NAALADL2: variants seen among roughly 807,000 people sequenced by gnomAD.
The protein encoded by NAALADL2 is inactive N-acetylated-alpha-linked acidic dipeptidase-like protein 2.
Under a neutral mutation model 87.2 loss-of-function variants are expected in NAALADL2, and 76 were observed. The ratio of observed to expected loss-of-function variants is 0.87; its 90% confidence interval spans 0.72 to 1.05. The LOEUF (loss-of-function observed/expected upper bound fraction) is 1.05. Among genes scored for constraint, NAALADL2 ranks in the 50% least tolerant of loss-of-function variants. The pLI is 0.00. For synonymous variants in NAALADL2, 354 were observed against 331.0 expected, an observed-to-expected ratio of 1.07 and a Z score of -0.75; for missense variants, 1,089 against 945.8, an observed-to-expected ratio of 1.15 and a Z score of -1.99.
chr3:175,672,855 A>G (rs1182581897), intron 11 of NAALADL2, among the ~76,000 whole-genome samples: 2 of 152,286 alleles, frequency 1.3e-5, no homozygotes, highest in East Asian at 3.9e-4. Context: ...AATGTATAAC[A>G]ATTTTGTGTA....
At chr3:175,566,344 C>T (rs1447564486) in intron 9 of NAALADL2, among the ~76,000 whole-genome samples, 2 of 152,094 alleles carry the variant, frequency 1.3e-5, no homozygotes, top group African/African-American at 4.8e-5. Context: ...TTGTCTCTCC[C>T]CAGAGGCAAA....
At chr3:174,869,074 C>G (rs1326911015) in intron 1 of NAALADL2, among the ~76,000 whole-genome samples, 1 of 151,888 alleles carries the variant, frequency 6.6e-6, no homozygotes, top group Non-Finnish European at 1.5e-5. Flanking sequence ...CTGGGAATTT[C>G]TATTTAAAAT....
chr3:174,659,228 T>C (rs532979693), intron 2 of NAALADL2, among the ~76,000 whole-genome samples: 2 of 152,320 alleles, frequency 1.3e-5, no homozygotes, highest in African/African-American at 4.8e-5. Flanking sequence ...CATTAAAACT[T>C]GAAATCAAAA....
At chr3:174,485,045 C>A (rs912654366) in intron 1 of NAALADL2, among the ~76,000 whole-genome samples, 4 of 151,944 alleles carry the variant, frequency 2.6e-5, no homozygotes, top group Non-Finnish European at 5.9e-5. Flanking sequence ...TTATAATATA[C>A]CCTTTCATAT....
intron 11 of NAALADL2, among the ~76,000 whole-genome samples, chr3:175,633,775 A>G (rs978574834): frequency 6.6e-6 from 1 of 151,722 alleles, no homozygotes; most frequent in African/African-American, 2.4e-5. Flanking sequence ...CATAGGATAT[A>G]TAAGATTAAT....
At chr3:174,947,603 T>C (rs1162991971) in intron 1 of NAALADL2, among the ~76,000 whole-genome samples, 2 of 152,150 alleles carry the variant, frequency 1.3e-5, no homozygotes, top group Non-Finnish European at 2.9e-5. Flanking sequence ...TAGTTCTTCT[T>C]TATAAATTTA....
chr3:175,159,825 C>T (rs1244959222), intron 2 of NAALADL2, among the ~76,000 whole-genome samples: 2 of 150,788 alleles, frequency 1.3e-5, no homozygotes, highest in Non-Finnish European at 3.0e-5. Context: ...TCCTTCCTCT[C>T]TCTCTCTTTT....
At chr3:175,590,608 A>G (rs1449775698) in intron 10 of NAALADL2, among the ~76,000 whole-genome samples, 1 of 152,188 alleles carries the variant, frequency 6.6e-6, no homozygotes, top group Non-Finnish European at 1.5e-5. Context: ...TTTGGAGGCT[A>G]AACTTCATTA....
chr3:174,948,990 T>C (rs1023129023), intron 1 of NAALADL2, among the ~76,000 whole-genome samples: 1 of 152,152 alleles, frequency 6.6e-6, no homozygotes, highest in African/African-American at 2.4e-5. Flanking sequence ...CATACACAGT[T>C]GTCTTCTCAC....
intron 3 of NAALADL2, among the ~76,000 whole-genome samples, chr3:174,806,126 C>T (rs1579007824): frequency 2.0e-5 from 3 of 152,286 alleles, no homozygotes; most frequent in African/African-American, 7.2e-5. Context: ...TATCACTAAT[C>T]TTTTGTCCCT....
intron 12 of NAALADL2, among the ~76,000 whole-genome samples, chr3:175,748,689 G>A (rs549701607): frequency 3.9e-5 from 6 of 152,096 alleles, no homozygotes; most frequent in South Asian, 4.1e-4. Flanking sequence ...AATTGAATAC[G>A]CCTTTAAAAA....
At chr3:174,698,168 T>G (rs760308950) in intron 2 of NAALADL2, among the ~76,000 whole-genome samples, 2 of 152,190 alleles carry the variant, frequency 1.3e-5, no homozygotes, top group African/African-American at 4.8e-5. Context: ...GTTATTTTCC[T>G]GGGAGGAAAT....
intron 5 of NAALADL2, among the ~76,000 whole-genome samples, chr3:175,389,952 C>T (rs927855633): frequency 6.6e-6 from 1 of 152,024 alleles, no homozygotes; most frequent in Non-Finnish European, 1.5e-5. Flanking sequence ...AAACTTGGTA[C>T]TATATGCAAA....
intron 11 of NAALADL2, among the ~76,000 whole-genome samples, chr3:175,678,996 G>A (rs1348582670): frequency 6.6e-6 from 1 of 151,744 alleles, no homozygotes; most frequent in Non-Finnish European, 1.5e-5. Flanking sequence ...TAGGATTTGG[G>A]TAGGTAAAGG....
chr3:175,035,884 G>A (rs912862823), intron 1 of NAALADL2, among the ~76,000 whole-genome samples: 2 of 152,174 alleles, frequency 1.3e-5, no homozygotes, highest in Non-Finnish European at 2.9e-5. Context: ...AGTTACACCC[G>A]ATATGACTAA....
chr3:174,583,476 A>G (rs184146241), intron 2 of NAALADL2, among the ~76,000 whole-genome samples: 1 of 152,318 alleles, frequency 6.6e-6, no homozygotes, highest in African/African-American at 2.4e-5. Flanking sequence ...ACAGTGTCAA[A>G]TTTGCTATTG....
intron 12 of NAALADL2, among the ~76,000 whole-genome samples, chr3:175,739,021 A>T (rs1744904054): frequency 6.6e-6 from 1 of 152,178 alleles, no homozygotes; most frequent in Non-Finnish European, 1.5e-5. Context: ...GGTATTCCAT[A>T]TAAAACTTTA....
At chr3:175,367,702 T>C (rs189849175) in intron 5 of NAALADL2, among the ~76,000 whole-genome samples, 3,363 of 152,248 alleles carry the variant, frequency 0.022, 131 homozygotes, top group African/African-American at 0.078. Context: ...TGTACATGGA[T>C]TTTGTATCCT....
intron 2 of NAALADL2, among the ~76,000 whole-genome samples, chr3:174,708,524 G>A (rs1254618171): frequency 6.6e-6 from 1 of 152,056 alleles, no homozygotes; most frequent in East Asian, 1.9e-4. Flanking sequence ...AATTCGTTAG[G>A]GACCATTATG....
Sources: gnomAD v4.1 joint callset for allele counts (sites outside exome capture counted in the v4.1 genomes callset) on GRCh38, gnomAD v4.1.1 for gene constraint, MANE v1.5 for transcripts, NCBI Gene and HGNC (gene_info 2026-07-23, HGNC 2026-07-21) for gene names.